Variants in AFG1L observed in about 807,000 individuals in gnomAD.
AFG1L encodes AFG1 like ATPase.
Under a neutral mutation model 62.2 loss-of-function variants are expected in AFG1L, and 53 were observed. The observed-to-expected ratio is 0.85, with a 90% confidence interval of 0.68 to 1.07. The LOEUF (loss-of-function observed/expected upper bound fraction) is 1.07. AFG1L is among the 50% of genes least tolerant of loss of function. AFG1L has a pLI of 0.00. For synonymous variants in AFG1L, 228 were observed against 210.3 expected, an observed-to-expected ratio of 1.08 and a Z score of -0.73; for missense variants, 555 against 590.5, an observed-to-expected ratio of 0.94 and a Z score of 0.62.
rs559053221 is a variant in AFG1L at position 108,307,376 on chromosome 6, G to A, written c.139+12158G>A. Among the ~76,000 whole-genome samples, 3 of 151,284 alleles carry A rather than the reference G, an allele frequency of 2.0e-5. No individual in the cohort carries two copies. In the East Asian group the frequency reaches 5.9e-4, roughly 30 times the overall value. On this transcript the variant is annotated intron_variant, in intron 1 of 12. Coordinates refer to ENST00000368977, the MANE Select transcript of AFG1L (RefSeq NM_145315.5). ...TGTTTACAGTAGAAAATATAGAAAA[G>A]ACAACTGCTGTTAACTTTAATTTTT...
At chr6:108,502,591 C>T (rs1181133069) in intron 10 of AFG1L, among the ~76,000 whole-genome samples, 17 of 152,108 alleles carry the variant, frequency 1.1e-4, no homozygotes, top group African/African-American at 4.1e-4. Context: ...CCGCCCACCT[C>T]GGCCTCCCAA....
intron 7 of AFG1L, among the ~76,000 whole-genome samples, chr6:108,422,496 A>AAAAAAAAAAAAAAAAAAAAAAAAAC (rs1770643057): frequency 6.7e-6 from 1 of 148,550 alleles, no homozygotes; most frequent in African/African-American, 2.5e-5. Context: ...AAAAAAAAAA[A>AAAAAAAAAAAAAAAAAAAAAAAAAC]AAAGAAGAAG....
intron 11 of AFG1L, among the ~76,000 whole-genome samples, chr6:108,517,685 G>A (rs1268940156): frequency 2.0e-5 from 3 of 152,180 alleles, no homozygotes; most frequent in African/African-American, 7.2e-5. Flanking sequence ...CTTCTGCCCA[G>A]CAAAAGAAAC....
intron 1 of AFG1L, among the ~76,000 whole-genome samples, chr6:108,315,519 T>G (rs1367440787): frequency 1.3e-5 from 2 of 152,216 alleles, no homozygotes; most frequent in Non-Finnish European, 2.9e-5. Flanking sequence ...TTCAGAGGGC[T>G]GGGGTAGGGC....
intron 10 of AFG1L, among the ~76,000 whole-genome samples, chr6:108,495,432 G>A (rs1156580855): frequency 1.3e-5 from 2 of 152,182 alleles, no homozygotes; most frequent in African/African-American, 2.4e-5. Flanking sequence ...GCAGAGCAGA[G>A]CATTAGTGAG....
intron 1 of AFG1L, among the ~76,000 whole-genome samples, chr6:108,315,783 C>G (rs866013130): frequency 6.6e-6 from 1 of 152,168 alleles, no homozygotes; most frequent in South Asian, 2.1e-4. Context: ...TGTGGTAGCT[C>G]ATGCCTGTAA....
At chr6:108,316,468 C>CT (rs1285898598) in intron 1 of AFG1L, among the ~76,000 whole-genome samples, 1 of 144,394 alleles carries the variant, frequency 6.9e-6, no homozygotes, top group East Asian at 2.1e-4. Context: ...ACATAATTTT[C>CT]TTTCTTTTAT....
intron 7 of AFG1L, among the ~76,000 whole-genome samples, chr6:108,423,897 T>C (rs1406719842): frequency 6.6e-6 from 1 of 152,086 alleles, no homozygotes; most frequent in Non-Finnish European, 1.5e-5. Context: ...TTATGATTGA[T>C]AGGATTCATG....
At chr6:108,500,167 CGTGCGTGTGTGTGTGTGT>C (rs910286569) in intron 10 of AFG1L, among the ~76,000 whole-genome samples, 4 of 73,102 alleles carry the variant, frequency 5.5e-5, no homozygotes, top group African/African-American at 2.5e-4. Context: ...TTCCATGGTG[CGTGCGTGTGTGTGTGTGT>C]GTGTGTGTGT....
intron 10 of AFG1L, among the ~76,000 whole-genome samples, chr6:108,503,658 A>T (rs1218900008): frequency 1.3e-5 from 2 of 152,222 alleles, no homozygotes; most frequent in Non-Finnish European, 2.9e-5. Flanking sequence ...CATTGGCTTC[A>T]ACTTAAAGTC....
intron 8 of AFG1L, among the ~76,000 whole-genome samples, chr6:108,453,345 T>G (rs1772131150): frequency 6.6e-6 from 1 of 152,210 alleles, no homozygotes; most frequent in Non-Finnish European, 1.5e-5. Flanking sequence ...AAAAAAAAGT[T>G]TTTTCTTAAA....
chr6:108,470,318 G>C (rs992614130), intron 8 of AFG1L, among the ~76,000 whole-genome samples: 2 of 152,208 alleles, frequency 1.3e-5, no homozygotes, highest in Non-Finnish European at 2.9e-5. Flanking sequence ...CCAAAAGCTA[G>C]TGACTGTTGT....
At chr6:108,326,885 A>G (rs2114320864) in intron 2 of AFG1L, among the ~76,000 whole-genome samples, 1 of 152,142 alleles carries the variant, frequency 6.6e-6, no homozygotes, top group African/African-American at 2.4e-5. Context: ...GCTTGAATCC[A>G]GGAGGCGGAG....
intron 10 of AFG1L, among the ~76,000 whole-genome samples, chr6:108,499,337 G>C (rs1026389119): frequency 4.0e-5 from 6 of 151,798 alleles, no homozygotes; most frequent in African/African-American, 1.5e-4. Flanking sequence ...CCAAAGTGCT[G>C]GGATTACAGG....
At chr6:108,349,683 A>G (rs1398953762) in intron 3 of AFG1L, among the ~76,000 whole-genome samples, 2 of 152,132 alleles carry the variant, frequency 1.3e-5, no homozygotes, top group Non-Finnish European at 2.9e-5. Flanking sequence ...TGGGAGGCTG[A>G]GGCAGGATGA....
intron 7 of AFG1L, among the ~76,000 whole-genome samples, chr6:108,417,816 T>C (rs1448123121): frequency 6.6e-6 from 1 of 152,054 alleles, no homozygotes; most frequent in Non-Finnish European, 1.5e-5. Context: ...TAAGAACAAA[T>C]ATAATTGTTT....
intron 5 of AFG1L, among the ~76,000 whole-genome samples, chr6:108,358,010 T>C (rs1779363427): frequency 6.6e-6 from 1 of 152,198 alleles, no homozygotes; most frequent in African/African-American, 2.4e-5. Flanking sequence ...GGACTCACCT[T>C]TGTATTTGGA....
chr6:108,316,413 A>G (rs1777600866), intron 1 of AFG1L, among the ~76,000 whole-genome samples: 1 of 150,740 alleles, frequency 6.6e-6, no homozygotes, highest in Non-Finnish European at 1.5e-5. Context: ...AAAAAATCGG[A>G]AAGTTGTATA....
chr6:108,416,376 A>G (rs1213666695), intron 7 of AFG1L, among the ~76,000 whole-genome samples: 2 of 152,334 alleles, frequency 1.3e-5, no homozygotes, highest in East Asian at 3.9e-4. Context: ...CGATTCCTCA[A>G]GGATCTAGAA....
Sources: allele counts gnomAD v4.1 joint callset (sites outside exome capture counted in the v4.1 genomes callset), GRCh38; gene constraint gnomAD v4.1.1; transcripts MANE v1.5; gene names NCBI Gene and HGNC (gene_info 2026-07-23, HGNC 2026-07-21).